Variants in AIM2 observed in about 807,000 individuals in gnomAD.
AIM2 encodes the protein interferon-inducible protein AIM2.
In AIM2, 30 loss-of-function variants were observed where a neutral mutation model predicts 27.7. The ratio of observed to expected loss-of-function variants is 1.08; its 90% CI spans 0.81 to 1.47. The LOEUF (loss-of-function observed/expected upper bound fraction) is 1.47. Among genes scored for constraint, AIM2 ranks in the 40% most tolerant of loss-of-function variants. AIM2 has a pLI of 0.00. For missense variants in AIM2, 358 were observed against 411.3 expected (o/e 0.87, Z 1.12); for synonymous variants, 141 against 145.3 (o/e 0.97, Z 0.21).
At chr1:159,131,661 G>T (rs1647888802) in intron 1 of AIM2, among the ~76,000 whole-genome samples, 1 of 152,158 alleles carries the variant, frequency 6.6e-6, no homozygotes, top group Non-Finnish European at 1.5e-5. Flanking sequence ...ATTCATTTCA[G>T]TTGGAGAACC....
At chr1:159,119,963 A>G (rs1647488054) in intron 1 of AIM2, among the ~76,000 whole-genome samples, 1 of 152,150 alleles carries the variant, frequency 6.6e-6, no homozygotes, top group Non-Finnish European at 1.5e-5. Flanking sequence ...ATAATACATG[A>G]TATACATTAT....
At position 159,066,064 on chromosome 1, in the gene AIM2, A is replaced by G. The variant is rs944682755; in HGVS notation, c.662T>C (p.Val221Ala). 1 of 1,614,152 alleles carries G rather than the reference A, an allele frequency of 6.2e-7. No homozygotes were observed. ...RYYRHSGFLE[V>A]NSASRVLDAE... ...ATCTAACACACGTGAGGCGCTATTT[A>G]CCTCTAAGAAACCACTGTGCCGATA... The change falls in exon 4 of 6, where the codon GTA becomes GCA. Residue 221 changes from valine (V) to alanine (A), a missense_variant. Val to Ala is a moderately conservative substitution (Grantham distance 64). Coordinates refer to ENST00000368130, the MANE Select transcript of AIM2 (RefSeq NM_004833.3).
chr1:159,096,193 A>C (rs1657177131), intron 1 of AIM2, among the ~76,000 whole-genome samples: 3 of 152,242 alleles, frequency 2.0e-5, no homozygotes, highest in Non-Finnish European at 4.4e-5. Flanking sequence ...TTGTGCTTCA[A>C]GACAGGCAAC....
At chr1:159,076,129 G>A (rs1656598243) in intron 1 of AIM2, among the ~76,000 whole-genome samples, 1 of 152,152 alleles carries the variant, frequency 6.6e-6, no homozygotes, top group Admixed American at 6.5e-5. Flanking sequence ...AAGCAAGGAA[G>A]GACACTACCT....
intron 1 of AIM2, among the ~76,000 whole-genome samples, chr1:159,085,779 G>C (rs1352156392): frequency 6.6e-6 from 1 of 152,192 alleles, no homozygotes; most frequent in African/African-American, 2.4e-5. Context: ...ACAAAGAAAG[G>C]TCAGAGCAGT....
chr1:159,075,844 G>A (rs1268939939), intron 1 of AIM2, among the ~76,000 whole-genome samples: 1 of 152,138 alleles, frequency 6.6e-6, no homozygotes, highest in Admixed American at 6.5e-5. Context: ...AACAGGAAAA[G>A]ATGTTTATGA....
chr1:159,130,932 A>G (rs1647856613), intron 1 of AIM2, among the ~76,000 whole-genome samples: 2 of 151,744 alleles, frequency 1.3e-5, no homozygotes, highest in South Asian at 2.1e-4. Flanking sequence ...TTCCTCCACA[A>G]TCTGGCTCTC....
intron 1 of AIM2, among the ~76,000 whole-genome samples, chr1:159,129,768 C>A (rs761963742): frequency 9.2e-5 from 14 of 152,128 alleles, no homozygotes; most frequent in Non-Finnish European, 1.9e-4. Context: ...TTGATTACTC[C>A]TCTCTCTTGT....
At chr1:159,142,402 TGAGA>T (rs1396077302), upstream of AIM2, among the ~76,000 whole-genome samples, 2 of 152,154 alleles carry the variant, frequency 1.3e-5, no homozygotes, top group Admixed American at 1.3e-4. Context: ...CGTATATGTG[TGAGA>T]GAGTGTGTGT....
At chr1:159,093,040 AAAAT>A (rs57238902) in intron 1 of AIM2, among the ~76,000 whole-genome samples, 57 of 147,292 alleles carry the variant, frequency 3.9e-4, no homozygotes, top group Middle Eastern at 3.5e-3. Context: ...TAAATAAATA[AAAAT>A]AAATAAATAA....
downstream of AIM2, among the ~76,000 whole-genome samples, chr1:159,059,149 C>T (rs1161066320): frequency 2.0e-5 from 3 of 152,176 alleles, no homozygotes; most frequent in East Asian, 1.9e-4. Flanking sequence ...ATAATAAAAA[C>T]GTACTGTTTT....
chr1:159,100,132 T>C (rs530692470), intron 1 of AIM2, among the ~76,000 whole-genome samples: 43 of 152,318 alleles, frequency 2.8e-4, no homozygotes, highest in African/African-American at 1.0e-3. Context: ...TTCTCTACCT[T>C]ATAATGCCTA....
At chr1:159,143,808 C>CT (rs1359059455), upstream of AIM2, among the ~76,000 whole-genome samples, 1 of 152,164 alleles carries the variant, frequency 6.6e-6, no homozygotes, top group Non-Finnish European at 1.5e-5. Flanking sequence ...CCACTTGCTG[C>CT]TGGGAATACA....
chr1:159,118,605 G>A (rs973651421), intron 1 of AIM2, among the ~76,000 whole-genome samples: 1 of 152,082 alleles, frequency 6.6e-6, no homozygotes, highest in South Asian at 2.1e-4. Flanking sequence ...GTGGTACTTA[G>A]GACTCATTCT....
At chr1:159,073,911 C>T (rs111594097) in intron 1 of AIM2, among the ~76,000 whole-genome samples, 1,939 of 152,074 alleles carry the variant, frequency 0.013, 55 homozygotes, top group African/African-American at 0.043. Context: ...TGGTGGTGGG[C>T]GCCTGTAATC....
intron 1 of AIM2, among the ~76,000 whole-genome samples, chr1:159,129,056 T>C (rs973992991): frequency 1.3e-5 from 2 of 152,128 alleles, no homozygotes; most frequent in East Asian, 1.9e-4. Flanking sequence ...ATCTTGCAGA[T>C]GTAATTAATG....
At chr1:159,120,593 C>A (rs1027684169) in intron 1 of AIM2, among the ~76,000 whole-genome samples, 3 of 152,118 alleles carry the variant, frequency 2.0e-5, no homozygotes, top group Non-Finnish European at 4.4e-5. Context: ...AACCCTTGAA[C>A]CAGATCTAGA....
chr1:159,084,890 C>T (rs148763814), intron 1 of AIM2, among the ~76,000 whole-genome samples: 3 of 151,778 alleles, frequency 2.0e-5, no homozygotes, highest in Admixed American at 2.0e-4. Context: ...CAAGACTAAA[C>T]TCACAGAAAA....
chr1:159,105,344 C>T (rs535342490), intron 1 of AIM2, among the ~76,000 whole-genome samples: 1 of 152,322 alleles, frequency 6.6e-6, no homozygotes, highest in East Asian at 1.9e-4. Flanking sequence ...GTGTTACAGC[C>T]CTCGCCCGTG....
Sources: gnomAD v4.1 joint callset for allele counts (sites outside exome capture counted in the v4.1 genomes callset) on GRCh38, gnomAD v4.1.1 for gene constraint, MANE v1.5 for transcripts, NCBI Gene and HGNC (gene_info 2026-07-23, HGNC 2026-07-21) for gene names.